SSBP3: variants seen among roughly 807,000 people sequenced by gnomAD.
SSBP3 encodes single stranded DNA binding protein 3.
In SSBP3, 5 loss-of-function variants were observed where a neutral mutation model predicts 69.6. The ratio of observed to expected loss-of-function variants is 0.07; its 90% CI spans 0.04 to 0.15. The LOEUF (loss-of-function observed/expected upper bound fraction) is 0.15, where lower values mean the gene tolerates loss of function less well. Among genes scored for constraint, SSBP3 ranks in the 10% least tolerant of loss-of-function variants. The pLI is 1.00. For missense variants in SSBP3, 312 were observed against 534.0 expected (o/e 0.58, Z 4.10); for synonymous variants, 196 against 193.4 (o/e 1.01, Z -0.11).
chr1:54,259,446 CG>C (rs1644979656), intron 5 of SSBP3, among the ~76,000 whole-genome samples: 1 of 152,190 alleles, frequency 6.6e-6, no homozygotes. Flanking sequence ...AGGGCTGCCT[CG>C]GAAGCACGTT....
At chr1:54,406,047 G>GCCGCCA (rs1428801287) in exon 1 of SSBP3, 3 of 1,415,574 alleles carry the variant, frequency 2.1e-6, no homozygotes, top group Non-Finnish European at 2.8e-6. Context: ...CGCCGCCGCC[G>GCCGCCA]CCGCCGCCGC....
intron 4 of SSBP3, among the ~76,000 whole-genome samples, chr1:54,299,374 T>C (rs1391906220): frequency 6.6e-6 from 1 of 152,196 alleles, no homozygotes; most frequent in Non-Finnish European, 1.5e-5. Context: ...ACTGGTCCGA[T>C]GTTCCCCTAC....
chr1:54,379,273 C>T lies in SSBP3; in HGVS notation c.276+22588G>A, dbSNP rs79682142. ...CGGCCACCCTGGGTGCCCTCAGATG[C>T]TGTGAAGCCCTACCTGTGTGGCCTT... On this transcript the variant is annotated intron_variant, in intron 4 of 17. Coordinates refer to ENST00000610401, the Ensembl canonical transcript of SSBP3. Among the ~76,000 whole-genome samples, 19 of 152,368 alleles carry T rather than the reference C, an allele frequency of 1.2e-4. No homozygotes were observed. In the East Asian group the frequency reaches 3.7e-3, roughly 29 times the overall value.
chr1:54,319,025 G>C (rs1646166223), intron 4 of SSBP3, among the ~76,000 whole-genome samples: 1 of 152,172 alleles, frequency 6.6e-6, no homozygotes, highest in Admixed American at 6.5e-5. Context: ...CGAATCCTTA[G>C]TGTTCTAGGC....
At chr1:54,281,957 G>A (rs1419572061) in intron 4 of SSBP3, among the ~76,000 whole-genome samples, 3 of 151,950 alleles carry the variant, frequency 2.0e-5, no homozygotes, top group Non-Finnish European at 2.9e-5. Context: ...TTAGCTGGGT[G>A]CAGTGGCATA....
At chr1:54,304,161 G>A (rs1261294447) in intron 4 of SSBP3, among the ~76,000 whole-genome samples, 6 of 152,218 alleles carry the variant, frequency 3.9e-5, no homozygotes, top group Non-Finnish European at 5.9e-5. Context: ...GAACACAACT[G>A]GGGAGCACTT....
intron 4 of SSBP3, among the ~76,000 whole-genome samples, chr1:54,334,643 A>G (rs963292535): frequency 6.6e-6 from 1 of 152,192 alleles, no homozygotes; most frequent in East Asian, 1.9e-4. Context: ...ACCTACCTCA[A>G]AGGATGGTTT....
intron 4 of SSBP3, among the ~76,000 whole-genome samples, chr1:54,352,675 C>A (rs925272455): frequency 3.9e-5 from 6 of 152,224 alleles, no homozygotes; most frequent in Admixed American, 6.5e-5. Flanking sequence ...CTGCGTCTTG[C>A]CGTTTGACCA....
intron 7 of SSBP3, among the ~76,000 whole-genome samples, chr1:54,253,380 TG>T (rs1302047285): frequency 6.6e-6 from 1 of 151,658 alleles, no homozygotes; most frequent in Non-Finnish European, 1.5e-5. Flanking sequence ...TTTGTATTGA[TG>T]GGGTCTCACT....
chr1:54,294,463 C>T (rs1291567767), intron 4 of SSBP3, among the ~76,000 whole-genome samples: 2 of 152,208 alleles, frequency 1.3e-5, no homozygotes, highest in African/African-American at 2.4e-5. Flanking sequence ...ATCACCCCCT[C>T]CCAAGACAAT....
rs778545623 is a variant in SSBP3, at chr1:54,258,836, C to T, written c.367-687G>A. On this transcript the variant is annotated intron_variant, in intron 5 of 17. Coordinates refer to ENST00000610401, the Ensembl canonical transcript of SSBP3. This position sits in a 1 kb window ranked among gnomAD's most constrained non-coding sequence, Gnocchi z 4.5. ...CACAGACTCGCACACCGTGAATTCA[C>T]CTGCACTTCAAAGCAGCCCTGTGAG... 2.6e-5 allele frequency among the ~76,000 whole-genome samples: 4 copies of T among 152,202 alleles called. No homozygotes were observed. Among genetic ancestry groups the T allele is most frequent in the Non-Finnish European group, 5.9e-5 (4 of 68,028 alleles).
intron 14 of SSBP3, among the ~76,000 whole-genome samples, chr1:54,234,109 G>A (rs1644442285): frequency 1.3e-5 from 2 of 151,236 alleles, no homozygotes; most frequent in African/African-American, 2.4e-5. Flanking sequence ...GATTAAGGGC[G>A]GTGCAAGATG....
chr1:54,293,643 C>A (rs185192836), intron 4 of SSBP3, among the ~76,000 whole-genome samples: 1 of 152,132 alleles, frequency 6.6e-6, no homozygotes, highest in Non-Finnish European at 1.5e-5. Context: ...CTGCAACACT[C>A]TTCTCCTCTC....
chr1:54,352,272 G>A (rs996358894), intron 4 of SSBP3, among the ~76,000 whole-genome samples: 1 of 150,486 alleles, frequency 6.6e-6, no homozygotes, highest in Admixed American at 6.7e-5. Context: ...GCAGCACAAG[G>A]TGCCTTAGGA....
intron 6 of SSBP3, 86 bp from the exon 7 acceptor site, chr1:54,257,272 T>A (rs1644938471): frequency 8.1e-7 from 1 of 1,234,344 alleles, no homozygotes; most frequent in Non-Finnish European, 1.1e-6. Flanking sequence ...CAAAGTCCAG[T>A]TTTGTTATAA....
intron 9 of SSBP3, among the ~76,000 whole-genome samples, chr1:54,243,576 C>T (rs1263616285): frequency 1.3e-5 from 2 of 152,188 alleles, no homozygotes; most frequent in South Asian, 2.1e-4. Context: ...TCCAGCAAGC[C>T]GCTGCCCTCT....
intron 14 of SSBP3, among the ~76,000 whole-genome samples, chr1:54,232,814 C>G (rs961366177): frequency 6.6e-6 from 1 of 152,240 alleles, no homozygotes; most frequent in Non-Finnish European, 1.5e-5. Context: ...AGCCCCTAAC[C>G]GCGAGTGATC....
chr1:54,281,167 T>C (rs950230599), intron 5 of SSBP3, among the ~76,000 whole-genome samples: 6 of 152,160 alleles, frequency 3.9e-5, no homozygotes, highest in Non-Finnish European at 1.5e-5. Flanking sequence ...GGGCAGACTG[T>C]GTCGCGCCTA....
At chr1:54,288,403 A>G (rs1645531484) in intron 4 of SSBP3, among the ~76,000 whole-genome samples, 1 of 152,276 alleles carries the variant, frequency 6.6e-6, no homozygotes, top group South Asian at 2.1e-4. Context: ...AGGGCCACGT[A>G]TAGACAACAA....
Sources: allele counts gnomAD v4.1 joint callset (sites outside exome capture counted in the v4.1 genomes callset), GRCh38; gene constraint gnomAD v4.1.1; non-coding constraint Gnocchi (gnomAD v3.1); transcripts MANE v1.5; gene names NCBI Gene and HGNC (gene_info 2026-07-23, HGNC 2026-07-21).